The following PDE6A variants were observed in gnomAD, a reference collection of about 807,000 sequenced individuals.
The protein encoded by PDE6A is phosphodiesterase 6A.
PDE6A carries 84 observed loss-of-function variants against 106.3 expected under a neutral mutation model. That is an observed-to-expected ratio of 0.79 (90% CI 0.66 to 0.95). PDE6A has a LOEUF of 0.95. Ranked by LOEUF, PDE6A falls within the 40% of genes least tolerant of loss-of-function variation. The probability of loss-of-function intolerance (pLI) is 0.00; values close to 1 mark genes in which losing one functional copy is unlikely to be tolerated. For synonymous variants in PDE6A, 394 were observed against 386.6 expected, an observed-to-expected ratio of 1.02 and a Z score of -0.23; for missense variants, 1,052 against 1,084.9, an observed-to-expected ratio of 0.97 and a Z score of 0.43.
chr5:149,911,827 C>T (rs1008476985), intron 6 of PDE6A, among the ~76,000 whole-genome samples: 2 of 142,730 alleles, frequency 1.4e-5, no homozygotes, highest in African/African-American at 2.7e-5. Context: ...CATGGTGAGA[C>T]CCCATCTCTA....
chr5:149,944,638 G>A lies in PDE6A; in HGVS notation c.36C>T (p.Phe12=), dbSNP rs983037355. 1.9e-6 allele frequency: 3 copies of A among 1,612,938 alleles called. No individual in the cohort carries two copies. Among genetic ancestry groups the A allele is most frequent in the Non-Finnish European group, 2.5e-6 (3 of 1,179,590 alleles). ...TGGCAAAGCCAATATTCGAGTCCAG[G>A]AACTTCTCCACCTCCTCTGCTGTCA... ...GEVTAEEVEK[F]LDSNIGFAKQ... Residue 12 remains phenylalanine (F), a synonymous_variant, in exon 1 of 22, where the codon TTC becomes TTT. Transcript: ENST00000255266.
intron 1 of PDE6A, among the ~76,000 whole-genome samples, chr5:149,943,806 G>C (rs2113672585): frequency 1.3e-5 from 2 of 151,700 alleles, no homozygotes; most frequent in South Asian, 4.2e-4. Context: ...TACTGTGGAA[G>C]TACTGTGTAT....
intron 5 of PDE6A, among the ~76,000 whole-genome samples, chr5:149,915,874 A>G (rs574621211): frequency 6.8e-4 from 103 of 151,616 alleles, no homozygotes; most frequent in Non-Finnish European, 1.2e-3. Context: ...CAACTCTAGG[A>G]CTAATTTTAC....
intron 13 of PDE6A, among the ~76,000 whole-genome samples, chr5:149,887,422 G>C (rs1252774069): frequency 6.6e-6 from 1 of 152,158 alleles, no homozygotes; most frequent in Non-Finnish European, 1.5e-5. Context: ...GCAGCACTTT[G>C]GGAGGCCAAG....
Position 149,865,412 on chromosome 5 carries a change from G to GAA in PDE6A, c.2358+756_2358+757dup, listed in dbSNP as rs5872150. Among the ~76,000 whole-genome samples the GAA allele has an allele frequency of 8.8e-3, 1,211 of 137,206 alleles. 12 individuals are homozygous for GAA. The highest frequency in any genetic ancestry group is 0.021 in the African/African-American group (807 of 38,212). The allele number at this position is 137,206 out of a possible 152,430, so 90.0% of individuals were successfully genotyped here. A position where few individuals can be genotyped will look rare whatever the true frequency, so the allele number is the denominator to read the frequency against. On this transcript the variant is annotated intron_variant, in intron 20 of 21. Coordinates refer to ENST00000255266, the MANE Select transcript of PDE6A (RefSeq NM_000440.3). ...GTGACAGAATGAGACCTGTCTCAAA[G>GAA]AAAAAAAAAAAACCAGCAAAAAACT...
chr5:149,859,607 G>A lies in PDE6A; in HGVS notation c.*1288C>T, dbSNP rs1198225673. 1 of 152,332 alleles carries A rather than the reference G, an allele frequency of 6.6e-6. No individual in the cohort carries two copies. The highest frequency in any genetic ancestry group is 1.9e-4 in the East Asian group (1 of 5,190). 9.4% of individuals were successfully genotyped at this position (152,332 alleles called of 1,614,324 possible). ...CAGTTATCCCATGCTCAGCCAAGATGGCCAGGCCTCTCCACCTGGCATGGA... is the reference window on the plus strand; with the variant it reads ...CAGTTATCCCATGCTCAGCCAAGATAGCCAGGCCTCTCCACCTGGCATGGA... On this transcript the variant is annotated 3_prime_UTR_variant, in exon 22 of 22. Coordinates refer to ENST00000255266, the MANE Select transcript of PDE6A (RefSeq NM_000440.3).
intron 17 of PDE6A, among the ~76,000 whole-genome samples, chr5:149,876,518 T>C (rs528934557): frequency 6.6e-6 from 1 of 152,074 alleles, no homozygotes; most frequent in African/African-American, 2.4e-5. Context: ...AATTTAAATT[T>C]TCCAGGACAG....
intron 19 of PDE6A, chr5:149,867,377 G>A (rs1760368461): frequency 5.0e-6 from 2 of 402,380 alleles, no homozygotes; most frequent in South Asian, 2.3e-5. Context: ...AATTGAAAGG[G>A]CAATCTAAGT....
intron 7 of PDE6A, among the ~76,000 whole-genome samples, chr5:149,904,055 C>T (rs1753088397): frequency 6.6e-6 from 1 of 152,088 alleles, no homozygotes; most frequent in African/African-American, 2.4e-5. Context: ...AATACCAGCC[C>T]AGCCAATGTG....
chr5:149,926,997 AAG>A (rs912390105), intron 4 of PDE6A, among the ~76,000 whole-genome samples: 3 of 150,998 alleles, frequency 2.0e-5, no homozygotes, highest in Admixed American at 1.3e-4. Flanking sequence ...AAAAAAAAAA[AAG>A]AGAGAGAGAG....
At chr5:149,866,321 T>A in intron 19 of PDE6A, 68 bp from the exon 20 acceptor site, 1 of 1,138,182 alleles carries the variant, frequency 8.8e-7, no homozygotes. Flanking sequence ...TATGAAGCAT[T>A]CTTACTAAAA....
At chr5:149,906,594 T>C (rs991845991) in intron 7 of PDE6A, among the ~76,000 whole-genome samples, 1 of 146,750 alleles carries the variant, frequency 6.8e-6, no homozygotes, top group African/African-American at 2.5e-5. Flanking sequence ...CCTTCCTCCC[T>C]CTTGAGCCTC....
chr5:149,907,033 A>G (rs1366191377), intron 7 of PDE6A, among the ~76,000 whole-genome samples: 1 of 152,130 alleles, frequency 6.6e-6, no homozygotes, highest in East Asian at 1.9e-4. Context: ...CGGCCCCCCA[A>G]AGTTCTGGGA....
At chr5:149,866,434 A>C (rs1029891403) in intron 19 of PDE6A, 181 bp from the exon 20 acceptor site, 27 of 571,674 alleles carry the variant, frequency 4.7e-5, no homozygotes, top group Non-Finnish European at 8.5e-5. Flanking sequence ...GTAACCAACC[A>C]AATCCAGAAT....
chr5:149,869,220 C>T lies in PDE6A; in HGVS notation c.2136-1062G>A, dbSNP rs111414559. 8.8e-3 allele frequency among the ~76,000 whole-genome samples: 1,339 copies of T among 151,942 alleles called. 18 individuals carry two copies. Among genetic ancestry groups the T allele is most frequent in the African/African-American group, 0.03 (1,250 of 41,430 alleles). ...TGGCATGCACCTGTGATCCCAGCTACGCGGGAGGCTGAGGCAGGAGAATCG... is the reference window on the plus strand; with the variant it reads ...TGGCATGCACCTGTGATCCCAGCTATGCGGGAGGCTGAGGCAGGAGAATCG... On this transcript the variant is annotated intron_variant, in intron 17 of 21. Transcript: ENST00000255266.
At chr5:149,910,333 A>AT (rs2113620829) in intron 6 of PDE6A, among the ~76,000 whole-genome samples, 1 of 152,174 alleles carries the variant, frequency 6.6e-6, no homozygotes, top group East Asian at 1.9e-4. Flanking sequence ...AGGATATAGG[A>AT]TTTTTCATCA....
chr5:149,930,295 T>C (rs941296568), intron 4 of PDE6A, among the ~76,000 whole-genome samples: 1 of 152,134 alleles, frequency 6.6e-6, no homozygotes, highest in African/African-American at 2.4e-5. Context: ...ATCCAATATA[T>C]TTGGAGAGTC....
intron 17 of PDE6A, among the ~76,000 whole-genome samples, chr5:149,879,695 G>A (rs1258557083): frequency 2.7e-5 from 4 of 150,042 alleles, no homozygotes; most frequent in East Asian, 2.0e-4. Flanking sequence ...TTGTTCTTGC[G>A]ATAGTTTACT....
At chr5:149,884,193 A>ATAT (rs1561706527) in intron 16 of PDE6A, among the ~76,000 whole-genome samples, 5 of 94,762 alleles carry the variant, frequency 5.3e-5, no homozygotes, top group Non-Finnish European at 9.6e-5. Flanking sequence ...AAAAAGAAAA[A>ATAT]AAAAAAATAT....
Sources: allele counts gnomAD v4.1 joint callset (sites outside exome capture counted in the v4.1 genomes callset), GRCh38; gene constraint gnomAD v4.1.1; transcripts MANE v1.5; gene names NCBI Gene and HGNC (gene_info 2026-07-23, HGNC 2026-07-21).